FBXL13: variants seen among roughly 807,000 people sequenced by gnomAD.
FBXL13 encodes F-box and leucine rich repeat protein 13, also known as F-box and leucine-rich repeat protein 13.
Under a neutral mutation model 83.6 loss-of-function variants are expected in FBXL13, and 67 were observed. The observed-to-expected ratio is 0.80, with a 90% CI of 0.66 to 0.98. The LOEUF is 0.98. Ranked by LOEUF, FBXL13 falls within the 50% of genes least tolerant of loss-of-function variation. The pLI is 0.00. For missense variants in FBXL13, 822 were observed against 866.5 expected (o/e 0.95, Z 0.64); for synonymous variants, 272 against 299.5 (o/e 0.91, Z 0.95).
At chr7:103,066,068 C>T (rs1343988949) in intron 1 of FBXL13, among the ~76,000 whole-genome samples, 1 of 152,204 alleles carries the variant, frequency 6.6e-6, no homozygotes, top group African/African-American at 2.4e-5. Context: ...CAAAGCAATG[C>T]CAAGGTCTAG....
At chr7:103,011,637 CAA>C (rs1323329438) in intron 6 of FBXL13, among the ~76,000 whole-genome samples, 8 of 58,492 alleles carry the variant, frequency 1.4e-4, no homozygotes, top group Admixed American at 3.8e-4. Context: ...GACTCTGTCT[CAA>C]AAAAAAAAAA....
intron 1 of FBXL13, among the ~76,000 whole-genome samples, chr7:103,073,836 T>G (rs1391996672): frequency 3.3e-5 from 5 of 152,120 alleles, no homozygotes; most frequent in Non-Finnish European, 7.4e-5. Context: ...TAGGACCTCC[T>G]CTTTCTTTCC....
rs565179337 is a variant in FBXL13 at position 103,030,860 on chromosome 7, T to C, written c.1-1442A>G. Among the ~76,000 whole-genome samples, 8 of 152,278 alleles carry C rather than the reference T, an allele frequency of 5.3e-5. No homozygotes were observed. In the South Asian group the frequency reaches 1.5e-3, roughly 28 times the overall value. On this transcript the variant is annotated intron_variant, in intron 2 of 19. Coordinates refer to ENST00000313221, the Ensembl canonical transcript of FBXL13. ...ATTCATGATTTATAATACACCAGAATTTTTGTTGTTCTAATATTCATTTTT... is the reference window on the plus strand; with the variant it reads ...ATTCATGATTTATAATACACCAGAACTTTTGTTGTTCTAATATTCATTTTT...
chr7:102,973,355 C>G (rs1197259169), intron 6 of FBXL13: 2 of 657,406 alleles, frequency 3.0e-6, no homozygotes, highest in Non-Finnish European at 5.6e-6. Flanking sequence ...CCAGAAGACA[C>G]CTACCCTGGC....
intron 17 of FBXL13, among the ~76,000 whole-genome samples, chr7:102,846,615 C>A (rs1226141291): frequency 1.7e-3 from 210 of 122,266 alleles, no homozygotes; most frequent in African/African-American, 1.9e-3. Context: ...GACTCAGTCT[C>A]AAAAAAAAAA....
At chr7:102,834,082 AAAGAAAAGAAAG>A (rs1222826294) in intron 17 of FBXL13, among the ~76,000 whole-genome samples, 4 of 80,160 alleles carry the variant, frequency 5.0e-5, no homozygotes, top group East Asian at 4.6e-4. Context: ...GGAAGGAAGG[AAAGAAAAGAAAG>A]AAAGAAAGAA....
intron 6 of FBXL13, among the ~76,000 whole-genome samples, chr7:102,996,584 C>T (rs1789813872): frequency 6.6e-6 from 1 of 152,156 alleles, no homozygotes; most frequent in African/African-American, 2.4e-5. Flanking sequence ...CACCCAAAGT[C>T]CTCTCCTCCC....
intron 6 of FBXL13, among the ~76,000 whole-genome samples, chr7:103,021,726 GA>G (rs1793199945): frequency 6.6e-6 from 1 of 152,122 alleles, no homozygotes; most frequent in Non-Finnish European, 1.5e-5. Context: ...ACAGACACAT[GA>G]AAAAATGCTC....
intron 6 of FBXL13, among the ~76,000 whole-genome samples, chr7:103,004,908 A>T (rs1790820378): frequency 6.6e-6 from 1 of 152,190 alleles, no homozygotes; most frequent in Non-Finnish European, 1.5e-5. Flanking sequence ...TTACTCCTTC[A>T]ACTAACTTGT....
chr7:102,820,759 T>C (rs2129445471), intron 19 of FBXL13, among the ~76,000 whole-genome samples: 1 of 152,306 alleles, frequency 6.6e-6, no homozygotes, highest in East Asian at 1.9e-4. Flanking sequence ...AGGAACCCAC[T>C]CCCATGATAA....
At chr7:102,905,208 G>A (rs1813578216) in intron 11 of FBXL13, among the ~76,000 whole-genome samples, 1 of 152,162 alleles carries the variant, frequency 6.6e-6, no homozygotes, top group South Asian at 2.1e-4. Context: ...TGAAAGTGGG[G>A]TGTTGAAGTT....
chr7:102,850,620 T>C (rs987262828), intron 17 of FBXL13, among the ~76,000 whole-genome samples: 8 of 152,214 alleles, frequency 5.3e-5, no homozygotes, highest in African/African-American at 1.9e-4. Context: ...AGGTAAATCA[T>C]GGCTTAACTT....
At chr7:103,036,991 A>G (rs1795136938) in intron 2 of FBXL13, among the ~76,000 whole-genome samples, 1 of 152,224 alleles carries the variant, frequency 6.6e-6, no homozygotes, top group African/African-American at 2.4e-5. Flanking sequence ...TCCCTGAAAT[A>G]ATTTAAACTA....
rs538708068 is a variant in FBXL13, at chr7:103,058,074, T to A, written c.-104-2327A>T. Among the ~76,000 whole-genome samples, 73 of 152,276 alleles carry A rather than the reference T, an allele frequency of 4.8e-4. 1 individual carries two copies. In the South Asian group the frequency reaches 0.015, roughly 31 times the overall value. On this transcript the variant is annotated intron_variant, in intron 1 of 19. Coordinates refer to ENST00000313221, the Ensembl canonical transcript of FBXL13. ...GGTCTTTTCTTAGACTCTCAGCAAT[T>A]CTCATACTGTTCCTCCAAAACTAAA...
chr7:102,959,617 T>C (rs1028219527), intron 8 of FBXL13, among the ~76,000 whole-genome samples: 7 of 152,126 alleles, frequency 4.6e-5, no homozygotes, highest in African/African-American at 1.7e-4. Flanking sequence ...TATGACATTC[T>C]ATCTGGAGTC....
intron 6 of FBXL13, among the ~76,000 whole-genome samples, chr7:102,986,352 A>G (rs1828948350): frequency 6.6e-6 from 1 of 152,154 alleles, no homozygotes; most frequent in Non-Finnish European, 1.5e-5. Context: ...CTCATGACAG[A>G]TATTTGTGCC....
At chr7:102,973,697 A>C (rs1351892728) in intron 6 of FBXL13, 3 of 766,398 alleles carry the variant, frequency 3.9e-6, no homozygotes, top group Admixed American at 1.7e-5. Context: ...AGGCCACAGC[A>C]GCCGGACAAA....
intron 6 of FBXL13, among the ~76,000 whole-genome samples, chr7:102,998,124 C>T (rs11980103): frequency 0.011 from 1,740 of 152,184 alleles, 38 homozygotes; most frequent in African/African-American, 0.04. Flanking sequence ...GCTTTTGGTA[C>T]GCATTTCCCT....
chr7:102,976,383 T>G (rs1419538952), intron 6 of FBXL13, among the ~76,000 whole-genome samples: 1 of 152,166 alleles, frequency 6.6e-6, no homozygotes, highest in Non-Finnish European at 1.5e-5. Flanking sequence ...TTCTGCTCCC[T>G]GCACACCTTT....
Sources: gnomAD v4.1 joint callset for allele counts (sites outside exome capture counted in the v4.1 genomes callset) on GRCh38, gnomAD v4.1.1 for gene constraint, MANE v1.5 for transcripts, NCBI Gene and HGNC (gene_info 2026-07-23, HGNC 2026-07-21) for gene names.